The following AHRR variants were observed in gnomAD, a reference collection of about 807,000 sequenced individuals.
AHRR encodes the protein ahR repressor.
AHRR carries 28 observed loss-of-function variants against 44.0 expected under a neutral mutation model. That is an observed-to-expected ratio of 0.64 (90% CI 0.47 to 0.87). The LOEUF (loss-of-function observed/expected upper bound fraction) is 0.87, where lower values mean the gene tolerates loss of function less well. Ranked by LOEUF, AHRR falls within the 40% of genes least tolerant of loss-of-function variation. The probability of loss-of-function intolerance (pLI) is 0.00; values close to 1 mark genes in which losing one functional copy is unlikely to be tolerated. For missense variants in AHRR, 990 were observed against 953.9 expected (o/e 1.04, Z -0.50); for synonymous variants, 434 against 407.0 (o/e 1.07, Z -0.80).
intron 8 of AHRR, among the ~76,000 whole-genome samples, chr5:431,016 G>A (rs1271261417): frequency 2.6e-5 from 4 of 152,196 alleles, no homozygotes; most frequent in Non-Finnish European, 4.4e-5. Context: ...CAGGGACCAC[G>A]CAAACCCTGG....
rs527792823 is a variant in AHRR at position 391,352 on chromosome 5, G to A, written c.351+14636G>A. 4.6e-5 allele frequency among the ~76,000 whole-genome samples: 6 copies of A among 129,046 alleles called. 1 individual carries two copies. The South Asian group carries it at 9.0e-4, about 19-fold the overall frequency. 84.7% of individuals were successfully genotyped at this position (129,046 alleles called of 152,430 possible). On this transcript the variant is annotated intron_variant, in intron 4 of 10. Transcript: ENST00000684583. ...GCGCAGGGCGAGGCGGGCGCAGGGC[G>A]AGGCAGGGCCAGAGCGTGCATGGGC...
At chr5:423,764 G>C in intron 6 of AHRR, 77 bp from the exon 7 acceptor site, 1 of 1,510,824 alleles carries the variant, frequency 6.6e-7, no homozygotes, top group Non-Finnish European at 8.9e-7. Flanking sequence ...CGTGAGAGCC[G>C]TGGGCGTGGT....
intron 4 of AHRR, among the ~76,000 whole-genome samples, chr5:390,263 C>T (rs2561668): frequency 0.024 from 3,670 of 152,190 alleles, 146 homozygotes; most frequent in African/African-American, 0.08. Context: ...TCCATGTGAC[C>T]GTTATGCATC....
chr5:339,842 C>T (rs919857883), intron 1 of AHRR, among the ~76,000 whole-genome samples: 6 of 152,116 alleles, frequency 3.9e-5, no homozygotes, highest in Admixed American at 2.6e-4. Flanking sequence ...TAGTGAATTA[C>T]AGTGATTGGT....
chr5:430,102 C>T (rs957791), intron 8 of AHRR, among the ~76,000 whole-genome samples: 50,806 of 152,000 alleles, frequency 0.33, 10,684 homozygotes, highest in Non-Finnish European at 0.47. Flanking sequence ...GTGGCAGGCG[C>T]GTTGGGGTGA....
chr5:354,782 C>T (rs563562612), intron 3 of AHRR, among the ~76,000 whole-genome samples: 1 of 152,334 alleles, frequency 6.6e-6, no homozygotes, highest in African/African-American at 2.4e-5. Context: ...AGGGTGGGGG[C>T]CTCCCCTGGG....
chr5:374,330 C>T (rs907062880), intron 3 of AHRR, among the ~76,000 whole-genome samples: 1 of 152,242 alleles, frequency 6.6e-6, no homozygotes, highest in African/African-American at 2.4e-5. Flanking sequence ...CCTGGCTTCT[C>T]CTGGGTCTGC....
In AHRR at chr5:388,504, G is replaced by T. The variant is rs961221668; in HGVS notation, c.351+11788G>T. 6.6e-6 allele frequency among the ~76,000 whole-genome samples: 1 copy of T among 152,156 alleles called. No homozygotes were observed. The highest frequency in any genetic ancestry group is 1.5e-5 in the Non-Finnish European group (1 of 68,024). ...GGTCCCCACTGCTGCTTTTCTCCCA[G>T]GGGGAGCCTGGAGGAGTGGGGTTTG... On this transcript the variant is annotated intron_variant, in intron 4 of 10. Coordinates refer to ENST00000684583, the MANE Select transcript of AHRR (RefSeq NM_001377236.1). The surrounding 1 kb of genome is among the most constrained non-coding windows in gnomAD (Gnocchi z 5.2).
intron 4 of AHRR, among the ~76,000 whole-genome samples, chr5:400,163 A>T (rs1283860365): frequency 1.3e-5 from 2 of 152,114 alleles, no homozygotes; most frequent in Non-Finnish European, 2.9e-5. Flanking sequence ...AGCCAGGGGG[A>T]TGTGGAGGGT....
At chr5:344,789 G>A (rs1489531299) in intron 2 of AHRR, among the ~76,000 whole-genome samples, 1 of 133,910 alleles carries the variant, frequency 7.5e-6, no homozygotes, top group Non-Finnish European at 1.6e-5. Flanking sequence ...GCGGGTGTGC[G>A]AGGCTGTGTG....
intron 4 of AHRR, among the ~76,000 whole-genome samples, chr5:397,916 C>T (rs1734814578): frequency 7.9e-6 from 1 of 126,182 alleles, no homozygotes; most frequent in African/African-American, 3.1e-5. Flanking sequence ...CATGTTAGCC[C>T]CTGACCATCC....
chr5:327,321 T>C (rs912574399), intron 1 of AHRR, among the ~76,000 whole-genome samples: 3 of 152,194 alleles, frequency 2.0e-5, no homozygotes, highest in African/African-American at 7.2e-5. Flanking sequence ...AGGGCGCCCA[T>C]TACCCAAATA....
In AHRR at chr5:395,152, C is replaced by A. The variant is rs1039643153; in HGVS notation, c.352-18192C>A. 6.6e-6 allele frequency among the ~76,000 whole-genome samples: 1 copy of A among 152,176 alleles called. No individual in the cohort carries two copies. Among genetic ancestry groups the A allele is most frequent in the Non-Finnish European group, 1.5e-5 (1 of 68,022 alleles). Reference sequence around the variant, plus strand: ...TCCTCCACACCTAACCCCAGATAGCCCAAGACTTCTGGGGTTCCCTCAGCT... The same window carrying A: ...TCCTCCACACCTAACCCCAGATAGCACAAGACTTCTGGGGTTCCCTCAGCT... On this transcript the variant is annotated intron_variant, in intron 4 of 10. Transcript: ENST00000684583. This position sits in a 1 kb window ranked among gnomAD's most constrained non-coding sequence, Gnocchi z 5.3.
intron 2 of AHRR, among the ~76,000 whole-genome samples, chr5:349,766 C>A (rs1292210414): frequency 6.6e-6 from 1 of 152,236 alleles, no homozygotes; most frequent in East Asian, 1.9e-4. Context: ...AGTCTATACT[C>A]CTTTTTTGAG....
At position 432,615 on chromosome 5, in the gene AHRR, C is replaced by A. The variant is rs1025061333; in HGVS notation, c.970+91C>A. 21 of 1,529,136 alleles carry A rather than the reference C, an allele frequency of 1.4e-5. No homozygotes were observed. In the Admixed American group the frequency reaches 2.7e-4, roughly 20 times the overall value. The allele number at this position is 1,529,136 out of a possible 1,614,324, so 94.7% of individuals were successfully genotyped here. On this transcript the variant is annotated intron_variant, in intron 9 of 10. Coordinates refer to ENST00000684583, the MANE Select transcript of AHRR (RefSeq NM_001377236.1). The stretch of plus-strand genomic sequence containing the variant: ...CTTCCCCGCCCAGTGGAGATGTTGG[C>A]GTATTCCATGGAAAAGCCATTTTGC...
chr5:342,655 G>T lies in AHRR; in HGVS notation c.-10-1238G>T, dbSNP rs1290083202. 6.6e-6 allele frequency among the ~76,000 whole-genome samples: 1 copy of T among 152,228 alleles called. No individual in the cohort carries two copies. The highest frequency in any genetic ancestry group is 2.4e-5 in the African/African-American group (1 of 41,462). ...CCAGGCTACACTCACTTCAGGTCAG[G>T]TGAGGGCTCCTTAACTTCCTCCCCA... On this transcript the variant is annotated intron_variant, in intron 1 of 10. Transcript: ENST00000684583. This position sits in a 1 kb window ranked among gnomAD's most constrained non-coding sequence, Gnocchi z 4.3.
rs1553975184 is a variant in AHRR at position 324,013 on chromosome 5, T to TTC, written c.-11+2196_-11+2197dup. Among the ~76,000 whole-genome samples, 22 of 138,372 alleles carry TTC rather than the reference T, an allele frequency of 1.6e-4. 1 individual carries two copies. Among genetic ancestry groups the TTC allele is most frequent in the African/African-American group, 4.7e-4 (14 of 29,794 alleles). 90.8% of individuals were successfully genotyped at this position (138,372 alleles called of 152,430 possible). A position where few individuals can be genotyped will look rare whatever the true frequency, so the allele number is the denominator to read the frequency against. On this transcript the variant is annotated intron_variant, in intron 1 of 10. Coordinates refer to ENST00000684583, the MANE Select transcript of AHRR (RefSeq NM_001377236.1). ...CCTTCCTTTCTTTTTTTCTCTTTCT[T>TTC]TCTTTCTTTCTCTCTCTCTCTCTGT...
At position 404,482 on chromosome 5, in the gene AHRR, C is replaced by A; in HGVS notation, c.352-8862C>A. On this transcript the variant is annotated intron_variant, in intron 4 of 10. Coordinates refer to ENST00000684583, the MANE Select transcript of AHRR (RefSeq NM_001377236.1). This position sits in a 1 kb window ranked among gnomAD's most constrained non-coding sequence, Gnocchi z 4.1. ...GTGCACGGTGTGTTCACCAAAACAT[C>A]TAACGCAACTATTTTCAGACTTTAC... 2.1e-6 allele frequency: 1 copy of A among 473,696 alleles called. No individual in the cohort carries two copies. The highest frequency in any genetic ancestry group is 4.2e-6 in the Non-Finnish European group (1 of 237,058). The allele number at this position is 473,696 out of a possible 1,614,324, so 29.3% of individuals were successfully genotyped here. A position where few individuals can be genotyped will look rare whatever the true frequency, so the allele number is the denominator to read the frequency against.
chr5:327,316 G>A (rs898811414), intron 1 of AHRR, among the ~76,000 whole-genome samples: 6 of 152,076 alleles, frequency 3.9e-5, no homozygotes, highest in Admixed American at 6.6e-5. Context: ...TTTTTAGGGC[G>A]CCCATTACCC....
Sources: gnomAD v4.1 joint callset for allele counts (sites outside exome capture counted in the v4.1 genomes callset) on GRCh38, gnomAD v4.1.1 for gene constraint, Gnocchi (gnomAD v3.1) non-coding constraint, MANE v1.5 for transcripts, NCBI Gene and HGNC (gene_info 2026-07-23, HGNC 2026-07-21) for gene names.